Variants in CDH7 observed in about 807,000 individuals in gnomAD.
CDH7 encodes cadherin-7.
A neutral mutation model predicts 71.8 loss-of-function variants in CDH7; 25 were observed. That is an observed-to-expected ratio of 0.35 (90% CI 0.25 to 0.49). The LOEUF (loss-of-function observed/expected upper bound fraction) is 0.49. CDH7 is among the 20% of genes least tolerant of loss of function. CDH7 has a pLI of 0.99. For synonymous variants in CDH7, 381 were observed against 363.8 expected (o/e 1.05, Z -0.54); for missense variants, 862 against 974.6 (o/e 0.88, Z 1.54).
intron 8 of CDH7, 77 bp downstream of exon 8, chr18:65,858,029 C>G (rs1913428079): frequency 1.4e-6 from 2 of 1,409,876 alleles, no homozygotes; most frequent in East Asian, 4.8e-5. Flanking sequence ...GTTGTAAATT[C>G]AAGTTAATTA....
In CDH7 at chr18:65,787,355, C is replaced by T. The variant is rs117722016; in HGVS notation, c.211-22349C>T. On this transcript the variant is annotated intron_variant, in intron 2 of 11. Transcript: ENST00000397968. Reference sequence around the variant, plus strand: ...GCTTCTGTTGCTGCCATAGTTGGTGCTGCTCCTGCTAGTGGAAATGATTTT... The same window carrying T: ...GCTTCTGTTGCTGCCATAGTTGGTGTTGCTCCTGCTAGTGGAAATGATTTT... 1.5e-3 allele frequency among the ~76,000 whole-genome samples: 223 copies of T among 152,242 alleles called. 3 individuals are homozygous for T. In the East Asian group the frequency reaches 0.035, roughly 24 times the overall value.
intron 6 of CDH7, among the ~76,000 whole-genome samples, chr18:65,840,002 G>T (rs2143980367): frequency 6.6e-6 from 1 of 152,234 alleles, no homozygotes; most frequent in Admixed American, 6.5e-5. Flanking sequence ...AAACCATACA[G>T]AATTTAAAAT....
At chr18:65,824,500 T>A in intron 5 of CDH7, 144 bp from the exon 6 acceptor site, 1 of 458,784 alleles carries the variant, frequency 2.2e-6, no homozygotes, top group Admixed American at 4.0e-5. Flanking sequence ...ATGAAACTCA[T>A]CTTTTGTTTT....
intron 7 of CDH7, among the ~76,000 whole-genome samples, chr18:65,845,375 G>A (rs190411833): frequency 3.9e-5 from 6 of 152,050 alleles, no homozygotes; most frequent in African/African-American, 1.2e-4. Context: ...GACCATTTCC[G>A]AGAGTATAAT....
chr18:65,805,114 A>C (rs1911268829), intron 2 of CDH7, among the ~76,000 whole-genome samples: 1 of 152,240 alleles, frequency 6.6e-6, no homozygotes, highest in African/African-American at 2.4e-5. Context: ...CATAGTGATA[A>C]AAAGAACTTA....
chr18:65,841,752 C>G (rs1912741642), intron 6 of CDH7, among the ~76,000 whole-genome samples: 1 of 152,100 alleles, frequency 6.6e-6, no homozygotes, highest in South Asian at 2.1e-4. Context: ...AAAAATATAT[C>G]TGCCTGTACC....
At position 65,843,937 on chromosome 18, in the gene CDH7, A is replaced by G. The variant is rs1478041832; in HGVS notation, c.1107A>G (p.Glu369=). The part of the protein sequence containing the change: ...SDTTTVKIIV[E]DVDEPPVFSS... ...CGACAACTGTGAAGATAATTGTGGA[A>G]GATGTAGATGAGCCCCCTGTGTTCT... The change falls in exon 7 of 12, where the codon GAA becomes GAG. Residue 369 remains glutamate (E), a synonymous_variant. Transcript: ENST00000397968. 1 of 1,611,598 alleles carries G rather than the reference A, an allele frequency of 6.2e-7. No individual in the cohort carries two copies. The highest frequency in any genetic ancestry group is 1.7e-5 in the Admixed American group (1 of 59,802).
At chr18:65,854,091 G>T (rs1217662997) in intron 7 of CDH7, among the ~76,000 whole-genome samples, 2 of 151,170 alleles carry the variant, frequency 1.3e-5, no homozygotes, top group East Asian at 3.9e-4. Context: ...AATTGCTTGA[G>T]CCCAGGAGTT....
chr18:65,792,057 T>A (rs2143859881), intron 2 of CDH7, among the ~76,000 whole-genome samples: 1 of 152,288 alleles, frequency 6.6e-6, no homozygotes, highest in Non-Finnish European at 1.5e-5. Context: ...ATTAACTATT[T>A]ATCACATAGG....
chr18:65,845,678 GGAAA>G (rs1478005189), intron 7 of CDH7, among the ~76,000 whole-genome samples: 1 of 151,942 alleles, frequency 6.6e-6, no homozygotes, highest in Non-Finnish European at 1.5e-5. Context: ...TTAATTTAAT[GGAAA>G]GAAAGAGAGA....
chr18:65,770,164 C>G (rs1311982596), intron 2 of CDH7, among the ~76,000 whole-genome samples: 2 of 152,062 alleles, frequency 1.3e-5, no homozygotes, highest in African/African-American at 4.8e-5. Flanking sequence ...TTGACTGTTT[C>G]TCAAAAATAC....
At chr18:65,795,694 T>C (rs8097065) in intron 2 of CDH7, among the ~76,000 whole-genome samples, 5,239 of 152,272 alleles carry the variant, frequency 0.034, 290 homozygotes, top group African/African-American at 0.12. Context: ...ATAAATGCAC[T>C]TGTCCTGAAG....
intron 2 of CDH7, among the ~76,000 whole-genome samples, chr18:65,777,333 C>T (rs2143819927): frequency 6.6e-6 from 1 of 152,066 alleles, no homozygotes; most frequent in East Asian, 1.9e-4. Context: ...GGCAAACTCT[C>T]TACATTTGAG....
chr18:65,760,540 A>C (rs1916160785), intron 1 of CDH7, among the ~76,000 whole-genome samples: 2 of 152,140 alleles, frequency 1.3e-5, no homozygotes, highest in African/African-American at 4.8e-5. Context: ...GCATCTAAAA[A>C]CTATATTATC....
At chr18:65,821,955 T>C in intron 4 of CDH7, 126 bp from the exon 5 acceptor site, 1 of 685,996 alleles carries the variant, frequency 1.5e-6, no homozygotes. Context: ...ACAGTAAAAT[T>C]ATTTAAAGTA....
At chr18:65,783,991 G>A (rs1188166543) in intron 2 of CDH7, among the ~76,000 whole-genome samples, 1 of 152,022 alleles carries the variant, frequency 6.6e-6, no homozygotes, top group Non-Finnish European at 1.5e-5. Flanking sequence ...GTCAGGCTCT[G>A]TGCAGGCTGG....
intron 2 of CDH7, among the ~76,000 whole-genome samples, chr18:65,778,672 T>G (rs1042204444): frequency 7.9e-5 from 12 of 151,376 alleles, no homozygotes; most frequent in South Asian, 4.2e-4. Context: ...TTTTCTTTTT[T>G]TTTGTTTGTT....
chr18:65,774,833 A>G (rs560267011), intron 2 of CDH7, among the ~76,000 whole-genome samples: 2 of 152,262 alleles, frequency 1.3e-5, no homozygotes, highest in South Asian at 4.1e-4. Context: ...GCTTTATTTT[A>G]AAATCTTCCA....
At position 65,857,220 on chromosome 18, in the gene CDH7, C is replaced by T. The variant is rs116771783; in HGVS notation, c.1236-596C>T. On this transcript the variant is annotated intron_variant, in intron 7 of 11. Coordinates refer to ENST00000397968, the MANE Select transcript of CDH7 (RefSeq NM_004361.5). ...GAATTTAGCCAGTGATGGTGGCTCA[C>T]GCCTATAATCCCAGCATATTAGGAG... Among the ~76,000 whole-genome samples the T allele has an allele frequency of 3.1e-3, 469 of 151,270 alleles. 8 individuals are homozygous for T. Among genetic ancestry groups the T allele is most frequent in the African/African-American group, 0.011 (445 of 41,292 alleles).
Sources: allele counts gnomAD v4.1 joint callset (sites outside exome capture counted in the v4.1 genomes callset), GRCh38; gene constraint gnomAD v4.1.1; transcripts MANE v1.5; gene names NCBI Gene and HGNC (gene_info 2026-07-23, HGNC 2026-07-21).